Variants in CCDC9 observed in about 807,000 individuals in gnomAD.
CCDC9 encodes the protein coiled-coil domain containing 9.
A neutral mutation model predicts 65.6 loss-of-function variants in CCDC9; 52 were observed. That is an observed-to-expected ratio of 0.79 (90% CI 0.63 to 1.00). The LOEUF is 1.00. Among genes scored for constraint, CCDC9 ranks in the 50% least tolerant of loss-of-function variants. The probability of loss-of-function intolerance (pLI) is 0.00; values close to 1 mark genes in which losing one functional copy is unlikely to be tolerated. For synonymous variants in CCDC9, 332 were observed against 280.3 expected (o/e 1.18, Z -1.84); for missense variants, 834 against 757.2 (o/e 1.10, Z -1.19).
downstream of CCDC9, chr19:47,274,962 G>GGCGGCGCGGGGCT: frequency 7.2e-7 from 1 of 1,398,310 alleles, no homozygotes; most frequent in Non-Finnish European, 9.2e-7. Flanking sequence ...CGAGAGCCCC[G>GGCGGCGCGGGGCT]GAGGCGCGGG....
intron 3 of CCDC9, among the ~76,000 whole-genome samples, chr19:47,259,032 A>G (rs1195510946): frequency 6.6e-6 from 1 of 152,236 alleles, no homozygotes; most frequent in East Asian, 1.9e-4. Context: ...GGGAGTCCAG[A>G]GGAGGCTCTT....
chr19:47,268,475 T>G (rs1352328762), intron 8 of CCDC9, among the ~76,000 whole-genome samples: 2 of 152,080 alleles, frequency 1.3e-5, no homozygotes, highest in Non-Finnish European at 2.9e-5. Context: ...CCTGTGCGAG[T>G]GTGAGAAATA....
At position 47,260,814 on chromosome 19, in the gene CCDC9, C is replaced by G. The variant is rs1337882141; in HGVS notation, c.437C>G (p.Thr146Ser). Residue 146 changes from threonine to serine, a missense_variant, in exon 5 of 12, where the codon ACC (threonine) becomes AGC (serine). Coordinates refer to ENST00000221922, the MANE Select transcript of CCDC9 (RefSeq NM_015603.3). ...CCTCACCTCTCTGGAGCTGGAGACA[C>G]CTCAATCTCTGACCGTAAATCCAAG... ...GSPHLSGAGD[T>S]SISDRKSKEW... 8 of 1,613,160 alleles carry G rather than the reference C, an allele frequency of 5.0e-6. No homozygotes were observed. Among genetic ancestry groups the G allele is most frequent in the Non-Finnish European group, 6.8e-6 (8 of 1,179,606 alleles).
In CCDC9 at chr19:47,260,976, G is replaced by GT. The variant is rs895592321; in HGVS notation, c.462+140dup. 3.0e-6 allele frequency: 3 copies of GT among 1,011,998 alleles called. No individual in the cohort carries two copies. In the African/African-American group the frequency reaches 5.1e-5, roughly 17 times the overall value. The allele number at this position is 1,011,998 out of a possible 1,614,324, so 62.7% of individuals were successfully genotyped here. On this transcript the variant is annotated intron_variant, in intron 5 of 11. Transcript: ENST00000221922. ...TCTCTGAGCCTTTGCATCTGGCTCT[G>GT]TTTCTCTCTTCCTCCACCTCCTTCT...
rs1386225983 is a variant in CCDC9, at chr19:47,264,839, C to T, written c.613C>T (p.Leu205=). ...CGACCCCCGGCGACGCAGCGGGCCC[C>T]TGGAGGAGTCTGAGCGGGACCGCCG... is the stretch of plus-strand genomic sequence containing the variant. The part of the protein sequence containing the change: ...LDDPRRRSGP[L]EESERDRREE... The change falls in exon 7 of 12, where the codon CTG becomes TTG. Residue 205 remains leucine (L), a synonymous_variant. Transcript: ENST00000221922. 6.5e-7 allele frequency: 1 copy of T among 1,545,272 alleles called. No homozygotes were observed. Among genetic ancestry groups the T allele is most frequent in the East Asian group, 2.3e-5 (1 of 44,080 alleles).
At chr19:47,260,905 CCT>C (rs1242358594) in intron 5 of CCDC9, 66 bp downstream of exon 5, 6 of 1,545,614 alleles carry the variant, frequency 3.9e-6, no homozygotes, top group Non-Finnish European at 8.7e-7. Context: ...GTTTTTTCCT[CCT>C]CTCAGATGCA....
At chr19:47,270,817 C>T in intron 10 of CCDC9, 129 bp downstream of exon 10, 1 of 1,153,090 alleles carries the variant, frequency 8.7e-7, no homozygotes. Context: ...GTCTATCTCG[C>T]AGGTCCGTGG....
In CCDC9 at chr19:47,271,748, C is replaced by G. The variant is rs1175256633; in HGVS notation, c.*70C>G. The G allele has an allele frequency of 3.8e-6, 4 of 1,062,086 alleles. No individual in the cohort carries two copies. The highest frequency in any genetic ancestry group is 7.0e-5 in the Admixed American group (2 of 28,732). 65.8% of individuals were successfully genotyped at this position (1,062,086 alleles called of 1,614,324 possible). ...GTGTGTGTGTGCGCGCGCGCGCGCG[C>G]GCGCGCGCGCGCTAGAGGGGTGTGG... On this transcript the variant is annotated 3_prime_UTR_variant, in exon 12 of 12. Transcript: ENST00000221922.
At chr19:47,275,013 C>G (rs1356582076), downstream of CCDC9, 1 of 1,479,974 alleles carries the variant, frequency 6.8e-7, no homozygotes, top group Non-Finnish European at 8.9e-7. Context: ...GCGCTTGGCT[C>G]CGGTATGCGC....
downstream of CCDC9, chr19:47,275,156 C>CCCGGGCGTGCCGCCTGT: frequency 2.0e-6 from 3 of 1,482,230 alleles, no homozygotes; most frequent in Non-Finnish European, 2.7e-6. Context: ...GTGCTGCCCG[C>CCCGGGCGTGCCGCCTGT]CCGGGCGTGC....
chr19:47,266,868 C>T, intron 8 of CCDC9, 76 bp downstream of exon 8: 1 of 1,502,890 alleles, frequency 6.7e-7, no homozygotes, highest in Non-Finnish European at 9.0e-7. Flanking sequence ...ATGCCTCTCT[C>T]TGGTTTTTCC....
In CCDC9 at chr19:47,258,364, A is replaced by T; in HGVS notation, c.-37A>T. ...GTGCTGCGTCTAGATTCTGCAGGGG[A>T]GGTTTGCTGGGACCTTGGCTCCACG... On this transcript the variant is annotated 5_prime_UTR_variant, in exon 2 of 12. Transcript: ENST00000221922. 6.2e-7 allele frequency: 1 copy of T among 1,612,146 alleles called. No individual in the cohort carries two copies. Among genetic ancestry groups the T allele is most frequent in the Non-Finnish European group, 8.5e-7 (1 of 1,178,686 alleles).
At chr19:47,266,509 A>G (rs2059083134) in intron 7 of CCDC9, 102 bp from the exon 8 acceptor site, 12 of 1,429,292 alleles carry the variant, frequency 8.4e-6, no homozygotes, top group Admixed American at 6.0e-5. Context: ...CTGCCTTGTC[A>G]TCGCTTCCCT....
downstream of CCDC9, chr19:47,274,065 T>C: frequency 1.2e-6 from 1 of 809,222 alleles, no homozygotes; most frequent in African/African-American, 1.9e-5. Flanking sequence ...ATTTCCAGGC[T>C]GTGTTCTTTC....
At position 47,262,635 on chromosome 19, in the gene CCDC9, A is replaced by G. The variant is rs999284587; in HGVS notation, c.462+1796A>G. Among the ~76,000 whole-genome samples, 4 of 152,142 alleles carry G rather than the reference A, an allele frequency of 2.6e-5. No homozygotes were observed. In the South Asian group the frequency reaches 8.3e-4, roughly 31 times the overall value. On this transcript the variant is annotated intron_variant, in intron 5 of 11. Coordinates refer to ENST00000221922, the MANE Select transcript of CCDC9 (RefSeq NM_015603.3). ...GGAAGGGGAAAGATAAGTCTGCTTT[A>G]TCACTTTTGGTCATGTCCTGTTGGT...
At chr19:47,265,263 C>T (rs984852300) in intron 7 of CCDC9, among the ~76,000 whole-genome samples, 1 of 152,134 alleles carries the variant, frequency 6.6e-6, no homozygotes, top group Non-Finnish European at 1.5e-5. Context: ...CCATGTTGGC[C>T]AGGCTAGTCT....
intron 5 of CCDC9, 62 bp downstream of exon 5, chr19:47,260,901 T>C (rs1014469124): frequency 7.7e-6 from 12 of 1,560,966 alleles, no homozygotes; most frequent in African/African-American, 2.8e-5. Context: ...TTCTGTTTTT[T>C]CCTCCTCTCA....
At chr19:47,266,840 C>G in intron 8 of CCDC9, 48 bp downstream of exon 8, 1 of 1,559,722 alleles carries the variant, frequency 6.4e-7, no homozygotes, top group East Asian at 2.4e-5. Context: ...TTGACCTTGG[C>G]CCTGACTTCT....
At chr19:47,261,402 C>T (rs1049862869) in intron 5 of CCDC9, among the ~76,000 whole-genome samples, 7 of 152,238 alleles carry the variant, frequency 4.6e-5, no homozygotes, top group East Asian at 1.9e-4. Context: ...TCACCCCTGA[C>T]GTGCAGGTCA....
Sources: gnomAD v4.1 joint callset for allele counts (sites outside exome capture counted in the v4.1 genomes callset) on GRCh38, gnomAD v4.1.1 for gene constraint, MANE v1.5 for transcripts, NCBI Gene and HGNC (gene_info 2026-07-23, HGNC 2026-07-21) for gene names.